The following COL25A1 variants were observed in gnomAD, a reference collection of about 807,000 sequenced individuals.
The protein encoded by COL25A1 is collagen type XXV alpha 1 chain, also known as collagen alpha-1(XXV) chain.
A neutral mutation model predicts 128.4 loss-of-function variants in COL25A1; 103 were observed. That is an observed-to-expected ratio of 0.80 (90% CI 0.68 to 0.94). COL25A1 has a LOEUF of 0.94. Ranked by LOEUF, COL25A1 falls within the 40% of genes least tolerant of loss-of-function variation. The probability of loss-of-function intolerance (pLI) is 0.00; values close to 1 mark genes in which losing one functional copy is unlikely to be tolerated. For missense variants in COL25A1, 745 were observed against 840.0 expected (o/e 0.89, Z 1.40); for synonymous variants, 279 against 277.2 (o/e 1.01, Z -0.06).
intron 8 of COL25A1, among the ~76,000 whole-genome samples, chr4:108,948,342 G>A (rs1749016779): frequency 6.6e-6 from 1 of 152,148 alleles, no homozygotes; most frequent in South Asian, 2.1e-4. Context: ...GAGAATTGGG[G>A]CCTGTGGAAA....
chr4:109,054,985 A>ACCTCCCCCAT (rs1476676424), intron 3 of COL25A1, among the ~76,000 whole-genome samples: 9 of 151,576 alleles, frequency 5.9e-5, no homozygotes, highest in Non-Finnish European at 8.8e-5. Flanking sequence ...TTCTGAACCA[A>ACCTCCCCCAT]CCTCCCCCAT....
chr4:108,872,884 C>CT lies in COL25A1; in HGVS notation c.1021-3735dup, dbSNP rs377303400. Among the ~76,000 whole-genome samples the CT allele has an allele frequency of 2.5e-3, 372 of 149,012 alleles. 3 individuals are homozygous for CT. Among genetic ancestry groups the CT allele is most frequent in the East Asian group, 0.01 (52 of 5,080 alleles). ...TTTAGAAATTTTTCAGTTTTAACTT[C>CT]TTTTTTTTTTCTTTTGTTTTTGTTT... On this transcript the variant is annotated intron_variant, in intron 19 of 37. Coordinates refer to ENST00000399132, the MANE Select transcript of COL25A1 (RefSeq NM_198721.4).
intron 6 of COL25A1, among the ~76,000 whole-genome samples, chr4:109,006,868 T>C (rs1724462): frequency 0.33 from 50,546 of 151,806 alleles, 10,587 homozygotes; most frequent in African/African-American, 0.6. Context: ...TGAGAACACA[T>C]GGACTCATTG....
chr4:109,095,274 T>C (rs1471869861), intron 3 of COL25A1, among the ~76,000 whole-genome samples: 2 of 152,240 alleles, frequency 1.3e-5, no homozygotes, highest in East Asian at 3.8e-4. Flanking sequence ...CATTCCACTT[T>C]GTCTGTCAGA....
At chr4:108,819,440 A>T (rs1731561551) in intron 35 of COL25A1, 111 bp from the exon 36 acceptor site, 1 of 792,970 alleles carries the variant, frequency 1.3e-6, no homozygotes, top group Admixed American at 2.6e-5. Flanking sequence ...GCAACTCTGA[A>T]GGGAAAAGTA....
At chr4:109,204,202 G>A (rs776690888) in intron 3 of COL25A1, among the ~76,000 whole-genome samples, 6 of 152,054 alleles carry the variant, frequency 3.9e-5, no homozygotes, top group Non-Finnish European at 7.4e-5. Flanking sequence ...ATCATCATGA[G>A]TTTTAAAACT....
intron 8 of COL25A1, among the ~76,000 whole-genome samples, chr4:108,965,717 G>A (rs1751216250): frequency 6.6e-6 from 1 of 152,206 alleles, no homozygotes. Flanking sequence ...AAGAGAGACA[G>A]CGGTAGCAGT....
intron 3 of COL25A1, among the ~76,000 whole-genome samples, chr4:109,250,300 C>CT (rs1467590873): frequency 7.9e-6 from 1 of 125,942 alleles, no homozygotes; most frequent in African/African-American, 3.6e-5. Flanking sequence ...GCACAAATAT[C>CT]TGGGGGGGGA....
At position 109,065,533 on chromosome 4, in the gene COL25A1, C is replaced by CGT. The variant is rs1491289706; in HGVS notation, c.368-15355_368-15354insAC. On this transcript the variant is annotated intron_variant, in intron 3 of 37. Transcript: ENST00000399132. ...TTGCAAATACCTTTTTGGTGCAGCACGCGCGCGCGCGCGTGTGTGTGTGTG... is the reference window on the plus strand; with the variant it reads ...TTGCAAATACCTTTTTGGTGCAGCACGTGCGCGCGCGCGCGTGTGTGTGTGTG... Among the ~76,000 whole-genome samples, 81 of 97,314 alleles carry CGT rather than the reference C, an allele frequency of 8.3e-4. 1 individual carries two copies. Among genetic ancestry groups the CGT allele is most frequent in the African/African-American group, 4.7e-3 (80 of 16,918 alleles). The allele number at this position is 97,314 out of a possible 152,430, so 63.8% of individuals were successfully genotyped here. A position where few individuals can be genotyped will look rare whatever the true frequency, so the allele number is the denominator to read the frequency against.
chr4:109,129,068 A>G (rs534832188), intron 3 of COL25A1, among the ~76,000 whole-genome samples: 60 of 152,292 alleles, frequency 3.9e-4, no homozygotes, highest in African/African-American at 1.1e-3. Context: ...CTGATGTACA[A>G]CCAGGCTTGG....
At chr4:109,168,045 C>A (rs944384451) in intron 3 of COL25A1, among the ~76,000 whole-genome samples, 2 of 152,100 alleles carry the variant, frequency 1.3e-5, no homozygotes, top group African/African-American at 4.8e-5. Flanking sequence ...ATTTATGAGG[C>A]TCCTAAGAAA....
At chr4:109,205,432 C>T (rs191509576) in intron 3 of COL25A1, among the ~76,000 whole-genome samples, 19 of 152,228 alleles carry the variant, frequency 1.2e-4, no homozygotes, top group Non-Finnish European at 2.4e-4. Flanking sequence ...GGATTGTGGA[C>T]AGACATTGAC....
chr4:109,085,318 G>A (rs770526917), intron 3 of COL25A1, among the ~76,000 whole-genome samples: 8 of 152,150 alleles, frequency 5.3e-5, no homozygotes, highest in East Asian at 1.9e-4. Flanking sequence ...CAGAATGCAC[G>A]TTCCCTTCAG....
intron 3 of COL25A1, among the ~76,000 whole-genome samples, chr4:109,297,974 A>G (rs1319506876): frequency 6.9e-6 from 1 of 144,584 alleles, no homozygotes; most frequent in Non-Finnish European, 1.5e-5. Flanking sequence ...CAGGATTCCA[A>G]TCCGGAATTA....
chr4:108,987,381 TC>T (rs1280542145), intron 6 of COL25A1, among the ~76,000 whole-genome samples: 4 of 68,042 alleles, frequency 5.9e-5, no homozygotes, highest in Non-Finnish European at 1.5e-4. Flanking sequence ...TTTTTCTTTT[TC>T]TTTTTTTTTT....
intron 3 of COL25A1, among the ~76,000 whole-genome samples, chr4:109,269,756 G>C (rs1782065457): frequency 6.6e-6 from 1 of 152,108 alleles, no homozygotes; most frequent in Non-Finnish European, 1.5e-5. Flanking sequence ...GCCGGGCAGA[G>C]ACACAACCAA....
intron 3 of COL25A1, among the ~76,000 whole-genome samples, chr4:109,269,087 C>A (rs1451882267): frequency 8.5e-6 from 1 of 118,124 alleles, no homozygotes; most frequent in African/African-American, 3.2e-5. Context: ...CCCCCCTCCC[C>A]CCACCCCACA....
At chr4:108,829,635 T>C (rs1732847069) in intron 32 of COL25A1, among the ~76,000 whole-genome samples, 1 of 151,734 alleles carries the variant, frequency 6.6e-6, no homozygotes, top group South Asian at 2.1e-4. Flanking sequence ...CTTGAGAATC[T>C]TGGCTTTGTC....
chr4:108,837,554 C>T (rs111813153), intron 31 of COL25A1, among the ~76,000 whole-genome samples: 12 of 152,184 alleles, frequency 7.9e-5, no homozygotes, highest in African/African-American at 2.9e-4. Flanking sequence ...TCACTATTGC[C>T]ACAAGAACCT....
Sources: allele counts gnomAD v4.1 joint callset (sites outside exome capture counted in the v4.1 genomes callset), GRCh38; gene constraint gnomAD v4.1.1; transcripts MANE v1.5; gene names NCBI Gene and HGNC (gene_info 2026-07-23, HGNC 2026-07-21).